LRRC53: variants seen among roughly 807,000 people sequenced by gnomAD.
LRRC53 encodes leucine rich repeat containing 53, also known as leucine-rich repeat-containing protein 53.
Under a neutral mutation model 13.6 loss-of-function variants are expected in LRRC53, and 25 were observed. The ratio of observed to expected loss-of-function variants is 1.83; its 90% confidence interval spans 1.34 to 2.56. The LOEUF (loss-of-function observed/expected upper bound fraction) is 2.56. Among genes scored for constraint, LRRC53 ranks in the 30% most tolerant of loss-of-function variants. The pLI is 0.00. For missense variants in LRRC53, 527 were observed against 275.8 expected, an observed-to-expected ratio of 1.91 and a Z score of -6.45; for synonymous variants, 204 against 109.8, an observed-to-expected ratio of 1.86 and a Z score of -5.37.
chr1:74,513,755 A>T (rs979010530), upstream of LRRC53, among the ~76,000 whole-genome samples: 1 of 152,236 alleles, frequency 6.6e-6, no homozygotes, highest in African/African-American at 2.4e-5. Flanking sequence ...AGTGAAGCTG[A>T]TGACACATTA....
At chr1:74,532,055 A>G in the LRRC53 span, among the ~76,000 whole-genome samples, 1 of 152,334 alleles carries the variant, frequency 6.6e-6, no homozygotes, top group African/African-American at 2.4e-5. Flanking sequence ...TCACACTGAT[A>G]ACCTAATGGT....
At chr1:74,516,501 T>G (rs1302066359), upstream of LRRC53, among the ~76,000 whole-genome samples, 1 of 152,120 alleles carries the variant, frequency 6.6e-6, no homozygotes, top group Non-Finnish European at 1.5e-5. Flanking sequence ...TGAGAAAAAC[T>G]GTGAGAAAGA....
At chr1:74,526,115 G>T in the LRRC53 span, among the ~76,000 whole-genome samples, 7 of 152,190 alleles carry the variant, frequency 4.6e-5, no homozygotes, top group Non-Finnish European at 7.3e-5. Flanking sequence ...GGTTTGTGAA[G>T]ATCAATGTTC....
chr1:74,478,880 A>G (rs1668337527), intron 3 of LRRC53, among the ~76,000 whole-genome samples: 1 of 152,228 alleles, frequency 6.6e-6, no homozygotes, highest in Non-Finnish European at 1.5e-5. Flanking sequence ...ATTTCTTAGC[A>G]CATACAATTA....
At chr1:74,474,735 T>C (rs1179220823) in intron 4 of LRRC53, among the ~76,000 whole-genome samples, 4 of 152,114 alleles carry the variant, frequency 2.6e-5, no homozygotes, top group Non-Finnish European at 5.9e-5. Context: ...CCAGATTCAC[T>C]TGGCTCCCAG....
chr1:74,491,428 C>T (rs958977790), intron 1 of LRRC53, among the ~76,000 whole-genome samples: 1 of 152,090 alleles, frequency 6.6e-6, no homozygotes, highest in Non-Finnish European at 1.5e-5. Context: ...CCATGTTGAC[C>T]AGATGGTGTC....
At chr1:74,483,722 G>T (rs1668613235) in intron 1 of LRRC53, among the ~76,000 whole-genome samples, 2 of 152,158 alleles carry the variant, frequency 1.3e-5, no homozygotes, top group African/African-American at 2.4e-5. Context: ...GGAGACTAAA[G>T]AAACAGCTCA....
rs1262435772 is a variant in LRRC53, at chr1:74,469,822, C to T, written c.*56G>A. On this transcript the variant is annotated 3_prime_UTR_variant, in exon 5 of 5. Coordinates refer to ENST00000294635, the MANE Select transcript of LRRC53 (RefSeq NM_001382280.1). The stretch of plus-strand genomic sequence containing the variant: ...CATGCAAAGGCTAGTGGGTGTTTGT[C>T]CTCTTGAAGAAAGCTAAAGTAGAAA... 2.5e-6 allele frequency: 1 copy of T among 399,524 alleles called. No individual in the cohort carries two copies. Among genetic ancestry groups the T allele is most frequent in the African/African-American group, 2.1e-5 (1 of 48,640 alleles). The allele number at this position is 399,524 out of a possible 1,614,324, so 24.7% of individuals were successfully genotyped here.
intron 1 of LRRC53, among the ~76,000 whole-genome samples, chr1:74,503,715 C>A (rs2100350887): frequency 6.6e-6 from 1 of 152,330 alleles, no homozygotes; most frequent in African/African-American, 2.4e-5. Flanking sequence ...AAGCTAGAAT[C>A]TAAGCAAGTG....
intron 2 of LRRC53, 36 bp downstream of exon 2, chr1:74,483,226 C>A (rs573469795): frequency 2.8e-6 from 2 of 715,308 alleles, no homozygotes; most frequent in South Asian, 3.0e-5. Flanking sequence ...TCCAGGTACA[C>A]TGAGCACTGC....
At chr1:74,501,633 C>T (rs1179544530) in intron 1 of LRRC53, among the ~76,000 whole-genome samples, 3 of 152,010 alleles carry the variant, frequency 2.0e-5, no homozygotes, top group Non-Finnish European at 4.4e-5. Flanking sequence ...ATTACAGGCA[C>T]GCACTACCAC....
chr1:74,535,555 T>C, the LRRC53 span, among the ~76,000 whole-genome samples: 17 of 152,260 alleles, frequency 1.1e-4, no homozygotes, highest in Admixed American at 1.1e-3. Context: ...GACCTCCAGG[T>C]AGGTTCCTGG....
At chr1:74,496,188 T>C (rs1022061785) in intron 1 of LRRC53, among the ~76,000 whole-genome samples, 4 of 152,128 alleles carry the variant, frequency 2.6e-5, no homozygotes, top group Admixed American at 6.6e-5. Context: ...AAGAGAATGA[T>C]ACGATGCTAA....
At chr1:74,522,797 C>T in the LRRC53 span, among the ~76,000 whole-genome samples, 1 of 151,684 alleles carries the variant, frequency 6.6e-6, no homozygotes, top group African/African-American at 2.4e-5. Context: ...AATCTGTAGT[C>T]TTTTTACCTT....
At chr1:74,522,668 A>C in the LRRC53 span, among the ~76,000 whole-genome samples, 1 of 151,324 alleles carries the variant, frequency 6.6e-6, no homozygotes, top group Non-Finnish European at 1.5e-5. Flanking sequence ...GAGAGAGAGA[A>C]AGAGAAAGAG....
At chr1:74,483,069 A>T (rs557373903) in intron 2 of LRRC53, among the ~76,000 whole-genome samples, 193 bp downstream of exon 2, 1 of 152,342 alleles carries the variant, frequency 6.6e-6, no homozygotes, top group South Asian at 2.1e-4. Context: ...AAGGTCTTTA[A>T]ATAGTTTTGA....
the LRRC53 span, among the ~76,000 whole-genome samples, chr1:74,524,669 C>CAAAT: frequency 2.0e-5 from 3 of 151,196 alleles, no homozygotes; most frequent in Admixed American, 2.0e-4. Flanking sequence ...GGAGATACAG[C>CAAAT]AGCAAATAAA....
intron 1 of LRRC53, among the ~76,000 whole-genome samples, chr1:74,504,054 C>T (rs760507397): frequency 1.3e-5 from 2 of 152,216 alleles, no homozygotes; most frequent in African/African-American, 2.4e-5. Context: ...CTCTTCACCG[C>T]ATCCCTAGGT....
chr1:74,535,918 T>C, the LRRC53 span, among the ~76,000 whole-genome samples: 1 of 152,170 alleles, frequency 6.6e-6, no homozygotes, highest in East Asian at 1.9e-4. Context: ...AGCTGTATGT[T>C]CTAGCCTATT....
Sources: allele counts gnomAD v4.1 joint callset (sites outside exome capture counted in the v4.1 genomes callset), GRCh38; gene constraint gnomAD v4.1.1; transcripts MANE v1.5; gene names NCBI Gene and HGNC (gene_info 2026-07-23, HGNC 2026-07-21).